Variants in CCDC86 observed in about 807,000 individuals in gnomAD.
CCDC86 encodes coiled-coil domain-containing protein 86.
Under a neutral mutation model 36.7 loss-of-function variants are expected in CCDC86, and 28 were observed. The observed-to-expected ratio is 0.76, with a 90% CI of 0.57 to 1.05. The LOEUF is 1.05. Ranked by LOEUF, CCDC86 falls within the 50% of genes least tolerant of loss-of-function variation. CCDC86 has a pLI of 0.00. For synonymous variants in CCDC86, 199 were observed against 203.4 expected (o/e 0.98, Z 0.18); for missense variants, 453 against 470.2 (o/e 0.96, Z 0.34).
At position 60,850,006 on chromosome 11, in the gene CCDC86, G is replaced by A. The variant is rs762337581; in HGVS notation, c.955G>A (p.Val319Ile). 16 of 1,613,998 alleles carry A rather than the reference G, an allele frequency of 9.9e-6. No individual in the cohort carries two copies. The highest frequency in any genetic ancestry group is 6.7e-5 in the Admixed American group (4 of 59,988). The change falls in exon 3 of 4, where the codon GTC (valine) becomes ATC (isoleucine). Residue 319 changes from valine to isoleucine, a missense_variant. Coordinates refer to ENST00000227520, the MANE Select transcript of CCDC86 (RefSeq NM_024098.4). ...GGAGAATGAGCGGAAGGCAGAGGTC[G>A]TCCAAGTGGTGAGTGTCTCGTTTTC... ...RLENERKAEVVQVIRNPAKLK... is the reference protein window; with the variant it reads ...RLENERKAEVIQVIRNPAKLK...
rs2134805066 is a variant in CCDC86 at position 60,850,559 on chromosome 11, G to C, written c.*234G>C. The C allele has an allele frequency of 1.9e-6, 1 of 539,824 alleles. No individual in the cohort carries two copies. Among genetic ancestry groups the C allele is most frequent in the South Asian group, 2.7e-5 (1 of 36,658 alleles). 33.4% of individuals were successfully genotyped at this position (539,824 alleles called of 1,614,324 possible). On this transcript the variant is annotated 3_prime_UTR_variant, in exon 4 of 4. Transcript: ENST00000227520. ...AGAGATGGGGGCGGGAAGAGATTCA[G>C]CTCCCATCCCTCCTTCCTCTCCTTC...
At chr11:60,843,278 TTAAGA>T (rs1294325814) in intron 1 of CCDC86, among the ~76,000 whole-genome samples, 1 of 152,228 alleles carries the variant, frequency 6.6e-6, no homozygotes, top group East Asian at 1.9e-4. Context: ...TTATTTGCCT[TTAAGA>T]TAAAAAGTAT....
chr11:60,848,848 A>G (rs958895046), intron 2 of CCDC86, among the ~76,000 whole-genome samples: 1 of 152,238 alleles, frequency 6.6e-6, no homozygotes, highest in Admixed American at 6.5e-5. Flanking sequence ...CCCCTGCTCT[A>G]AGTCACCCCA....
chr11:60,846,476 G>A (rs959318333), intron 1 of CCDC86, among the ~76,000 whole-genome samples: 3 of 152,032 alleles, frequency 2.0e-5, no homozygotes, highest in African/African-American at 7.2e-5. Context: ...AGCATACAAA[G>A]AAAGAGCAAA....
chr11:60,846,102 T>C (rs1156682555), intron 1 of CCDC86, among the ~76,000 whole-genome samples: 2 of 152,124 alleles, frequency 1.3e-5, no homozygotes, highest in Non-Finnish European at 2.9e-5. Flanking sequence ...CACAGAACGT[T>C]CTGTTTGACA....
In CCDC86 at chr11:60,842,852, G is replaced by A. The variant is rs1182294426; in HGVS notation, c.728G>A (p.Gly243Glu). 6.3e-7 allele frequency: 1 copy of A among 1,585,270 alleles called. No individual in the cohort carries two copies. The highest frequency in any genetic ancestry group is 1.4e-5 in the African/African-American group (1 of 73,946). ...PVIPKGKPKSGRVWKDRSKKR... is the reference protein window; with the variant it reads ...PVIPKGKPKSERVWKDRSKKR... ...ATCCCGAAGGGGAAGCCCAAATCGG[G>A]GCGAGTGTGGAAGGACCGCTCCAAG... Residue 243 changes from glycine to glutamate, a missense_variant, in exon 1 of 4, where the codon GGG (glycine) becomes GAG (glutamate). By Grantham distance (98) the Gly-to-Glu change is moderately conservative. Transcript: ENST00000227520.
chr11:60,842,910 G>T, intron 1 of CCDC86, 28 bp downstream of exon 1: 1 of 1,537,300 alleles, frequency 6.5e-7, no homozygotes, highest in Non-Finnish European at 8.8e-7. Context: ...ATGGACAGGG[G>T]TGGCGTTCTC....
intron 1 of CCDC86, among the ~76,000 whole-genome samples, chr11:60,844,927 A>G (rs1012266476): frequency 6.6e-6 from 1 of 152,274 alleles, no homozygotes; most frequent in African/African-American, 2.4e-5. Flanking sequence ...TGAAGCAAAC[A>G]TTCTAAATGT....
chr11:60,847,164 A>G (rs1232775335), intron 1 of CCDC86, among the ~76,000 whole-genome samples: 1 of 150,324 alleles, frequency 6.7e-6, no homozygotes, highest in Non-Finnish European at 1.5e-5. Flanking sequence ...GCTCACTGCA[A>G]CCTCCACCTC....
At chr11:60,844,656 T>G (rs972823838) in intron 1 of CCDC86, among the ~76,000 whole-genome samples, 2 of 152,252 alleles carry the variant, frequency 1.3e-5, no homozygotes, top group Non-Finnish European at 2.9e-5. Context: ...GTACTTCTCT[T>G]TTGTAACACC....
chr11:60,842,573 C>G lies in CCDC86; in HGVS notation c.449C>G (p.Pro150Arg). ...QNKEELTPGAPQHQLPPVPGS... is the reference protein window; with the variant it reads ...QNKEELTPGARQHQLPPVPGS... The stretch of plus-strand genomic sequence containing the variant: ...AAGGAGGAGCTGACCCCGGGGGCCC[C>G]CCAGCATCAGCTACCGCCGGTCCCA... The change falls in exon 1 of 4, where the codon CCC becomes CGC. Residue 150 changes from proline to arginine, a missense_variant. By Grantham distance (103) the Pro-to-Arg change is moderately radical. Transcript: ENST00000227520. The G allele has an allele frequency of 6.2e-7, 1 of 1,613,370 alleles. No individual in the cohort carries two copies. Among genetic ancestry groups the G allele is most frequent in the Non-Finnish European group, 8.5e-7 (1 of 1,179,848 alleles).
chr11:60,848,160 G>T, intron 2 of CCDC86, 107 bp downstream of exon 2: 6 of 1,390,484 alleles, frequency 4.3e-6, no homozygotes, highest in Non-Finnish European at 5.8e-6. Context: ...AGGCCGACTT[G>T]GTTAAAAAAC....
intron 1 of CCDC86, among the ~76,000 whole-genome samples, chr11:60,844,742 G>A (rs4939467): frequency 3.3e-5 from 5 of 152,088 alleles, no homozygotes; most frequent in Non-Finnish European, 5.9e-5. Context: ...GGCTCCGTGA[G>A]AGTGTAAGAG....
In CCDC86 at chr11:60,842,290, C is replaced by T. The variant is rs1855128861; in HGVS notation, c.166C>T (p.Leu56=). The part of the protein sequence containing the change: ...GSPPSVQRAG[L]GSPERPPKTS... ...TCCTCCGAGTGTGCAGCGGGCTGGC[C>T]TGGGGTCCCCCGAAAGGCCGCCGAA... is the stretch of plus-strand genomic sequence containing the variant. Residue 56 remains leucine, a synonymous_variant, in exon 1 of 4, where the codon CTG becomes TTG. Coordinates refer to ENST00000227520, the MANE Select transcript of CCDC86 (RefSeq NM_024098.4). 1 of 1,613,442 alleles carries T rather than the reference C, an allele frequency of 6.2e-7. No individual in the cohort carries two copies. The highest frequency in any genetic ancestry group is 8.5e-7 in the Non-Finnish European group (1 of 1,179,950).
intron 1 of CCDC86, 188 bp from the exon 2 acceptor site, chr11:60,847,736 C>A: frequency 3.3e-6 from 2 of 598,966 alleles, no homozygotes; most frequent in Non-Finnish European, 5.6e-6. Context: ...GAAATGGCAG[C>A]CAGCACGATC....
Position 60,844,903 on chromosome 11 carries a change from A to G in CCDC86, c.758+2021A>G, listed in dbSNP as rs114513190. Among the ~76,000 whole-genome samples, 741 of 152,372 alleles carry G rather than the reference A, an allele frequency of 4.9e-3. 4 individuals are homozygous for G. Among genetic ancestry groups the G allele is most frequent in the African/African-American group, 0.017 (707 of 41,580 alleles). ...TGGGTAAACATGTCTGTGAACAAAA[A>G]GTCTCTGCTCTCCTGAAGCAAACAT... is the stretch of plus-strand genomic sequence containing the variant. On this transcript the variant is annotated intron_variant, in intron 1 of 3. Transcript: ENST00000227520.
chr11:60,848,274 C>T (rs1037791217), intron 2 of CCDC86, among the ~76,000 whole-genome samples: 2 of 138,284 alleles, frequency 1.4e-5, no homozygotes, highest in Non-Finnish European at 1.6e-5. Flanking sequence ...TACAGTTTAG[C>T]CTGGGCTGCT....
chr11:60,847,128 G>C (rs966126054), intron 1 of CCDC86, among the ~76,000 whole-genome samples: 1 of 149,594 alleles, frequency 6.7e-6, no homozygotes, highest in Non-Finnish European at 1.5e-5. Context: ...CTGTCACCCA[G>C]GCTGGAGTGC....
chr11:60,850,220 C>T lies in CCDC86; in HGVS notation c.978C>T (p.Ala326=). ...AEVVQVIRNP[A]KLKRAKKKQL... ...ACCACCCCCAGATCCGAAACCCCGC[C>T]AAGCTCAAGCGGGCAAAGAAGAAGC... Residue 326 remains alanine (A), a synonymous_variant, in exon 4 of 4, where the codon GCC becomes GCT. Transcript: ENST00000227520. The T allele has an allele frequency of 2.5e-6, 4 of 1,614,200 alleles. No homozygotes were observed. Among genetic ancestry groups the T allele is most frequent in the Non-Finnish European group, 3.4e-6 (4 of 1,180,026 alleles).
Sources: gnomAD v4.1 joint callset for allele counts (sites outside exome capture counted in the v4.1 genomes callset) on GRCh38, gnomAD v4.1.1 for gene constraint, MANE v1.5 for transcripts, NCBI Gene and HGNC (gene_info 2026-07-23, HGNC 2026-07-21) for gene names.